The following ITIH5 variants were observed in gnomAD, a reference collection of about 807,000 sequenced individuals.
ITIH5 encodes the protein inter-alpha-trypsin inhibitor heavy chain 5.
ITIH5 carries 65 observed loss-of-function variants against 77.5 expected under a neutral mutation model. The ratio of observed to expected loss-of-function variants is 0.84; its 90% CI spans 0.69 to 1.03. ITIH5 has a LOEUF of 1.03. Among genes scored for constraint, ITIH5 ranks in the 50% least tolerant of loss-of-function variants. The probability of loss-of-function intolerance (pLI) is 0.00; values close to 1 mark genes in which losing one functional copy is unlikely to be tolerated. For missense variants in ITIH5, 1,208 were observed against 1,213.1 expected, an observed-to-expected ratio of 1.00 and a Z score of 0.06; for synonymous variants, 525 against 494.3, an observed-to-expected ratio of 1.06 and a Z score of -0.82.
intron 2 of ITIH5, among the ~76,000 whole-genome samples, chr10:7,647,581 C>T (rs1426930490): frequency 1.7e-5 from 2 of 115,514 alleles, no homozygotes; most frequent in South Asian, 3.0e-4. Context: ...CAATAGAAAA[C>T]GTGAACACCT....
chr10:7,615,820 G>C (rs375023682), intron 7 of ITIH5, among the ~76,000 whole-genome samples, 162 bp downstream of exon 7: 2 of 152,204 alleles, frequency 1.3e-5, no homozygotes, highest in Non-Finnish European at 2.9e-5. Flanking sequence ...TACAGTTTAT[G>C]TCAAATGACT....
chr10:7,602,774 G>T (rs1035497053), intron 7 of ITIH5, among the ~76,000 whole-genome samples: 1 of 151,970 alleles, frequency 6.6e-6, no homozygotes, highest in Admixed American at 6.5e-5. Context: ...TCCACTCATG[G>T]TTCCAAAGTC....
chr10:7,612,975 T>G (rs1833281345), intron 7 of ITIH5, among the ~76,000 whole-genome samples: 1 of 152,210 alleles, frequency 6.6e-6, no homozygotes, highest in African/African-American at 2.4e-5. Flanking sequence ...CCGGGCGCGG[T>G]GGCTCATGCC....
chr10:7,602,718 A>G (rs1199087091), intron 7 of ITIH5, among the ~76,000 whole-genome samples: 1 of 152,128 alleles, frequency 6.6e-6, no homozygotes, highest in Admixed American at 6.5e-5. Flanking sequence ...ACAAACTCAT[A>G]TAATATTTCT....
chr10:7,563,284 C>T lies in ITIH5; in HGVS notation c.2628G>A (p.Glu876=), dbSNP rs938075780. 1.2e-6 allele frequency: 2 copies of T among 1,614,114 alleles called. No individual in the cohort carries two copies. The highest frequency in any genetic ancestry group is 2.7e-5 in the African/African-American group (2 of 74,952). Reference sequence around the variant, plus strand: ...GGTGGCCTTTCACTGTTAGGACGGCCTCAGGCCCCTCTCCCACCTGAAGGA... The same window carrying T: ...GGTGGCCTTTCACTGTTAGGACGGCTTCAGGCCCCTCTCCCACCTGAAGGA... ...PLLLQVGEGP[E]AVLTVKGHQV... The change falls in exon 14 of 14, where the codon GAG becomes GAA. Residue 876 remains glutamate, a synonymous_variant. Transcript: ENST00000397146.
At chr10:7,666,116 GC>G (rs1834357169) in intron 1 of ITIH5, among the ~76,000 whole-genome samples, 1 of 152,212 alleles carries the variant, frequency 6.6e-6, no homozygotes, top group Non-Finnish European at 1.5e-5. Flanking sequence ...AGCTCTCAAT[GC>G]TATTTGTGTG....
intron 7 of ITIH5, among the ~76,000 whole-genome samples, chr10:7,599,293 C>T (rs1832968327): frequency 6.6e-6 from 1 of 152,162 alleles, no homozygotes; most frequent in Non-Finnish European, 1.5e-5. Context: ...TTAACAAGAA[C>T]CCAACCTACC....
At position 7,566,152 on chromosome 10, in the gene ITIH5, C is replaced by T; in HGVS notation, c.2405G>A (p.Gly802Asp). 1.9e-6 allele frequency: 3 copies of T among 1,614,078 alleles called. No homozygotes were observed. The highest frequency in any genetic ancestry group is 2.2e-5 in the South Asian group (2 of 91,078). The change falls in exon 13 of 14, where the codon GGC becomes GAC. Residue 802 changes from glycine (G) to aspartate (D), a missense_variant. By Grantham distance (94) the Gly-to-Asp change is moderately conservative (BLOSUM62 -1). Transcript: ENST00000397146. ...GATGAGGATGACAAAGGCTATGGAG[C>T]CCTGGATGGTGACGGTGACATTGGC... ...ANANVTVTIQ[G>D]SIAFVILIHL...
Position 7,617,133 on chromosome 10 carries a change from G to A in ITIH5, c.802C>T (p.Gln268Ter). ...FIIRYDVNRE[Q>*]SIGDIQVLNG... ...ATTACCTGGATGTCCCCAATGCTCT[G>A]TTCTCTATTGACGTCATATCTAATG... is the stretch of plus-strand genomic sequence containing the variant. Residue 268 changes from glutamine to a stop codon, truncating the protein, a stop_gained, in exon 6 of 14, where the codon CAG (glutamine) becomes TAG (stop). Transcript: ENST00000397146. LOFTEE classifies it high-confidence loss of function. 3.2e-6 allele frequency: 5 copies of A among 1,584,688 alleles called. No individual in the cohort carries two copies. The highest frequency in any genetic ancestry group is 3.4e-6 in the Non-Finnish European group (4 of 1,169,916).
rs12250091 is a variant in ITIH5, at chr10:7,580,143, C to A, written c.1109-79G>T. 2.4e-6 allele frequency: 3 copies of A among 1,248,242 alleles called. No homozygotes were observed. The East Asian group carries it at 7.6e-5, about 32-fold the overall frequency. 77.3% of individuals were successfully genotyped at this position (1,248,242 alleles called of 1,614,324 possible). On this transcript the variant is annotated intron_variant, in intron 8 of 13. Coordinates refer to ENST00000397146, the MANE Select transcript of ITIH5 (RefSeq NM_030569.7). ...TGATTGCACTTTCTTTTTTTTGAGACGGAGTCTTGCTCTGTCACCCAGGCT... is the reference window on the plus strand; with the variant it reads ...TGATTGCACTTTCTTTTTTTTGAGAAGGAGTCTTGCTCTGTCACCCAGGCT...
intron 2 of ITIH5, among the ~76,000 whole-genome samples, chr10:7,644,640 A>ATCACATATG (rs1487431774): frequency 3.4e-4 from 29 of 86,122 alleles, no homozygotes; most frequent in African/African-American, 9.6e-4. Flanking sequence ...TATCACATAT[A>ATCACATATG]TATCATATAT....
At chr10:7,576,412 G>A (rs778906784) in intron 10 of ITIH5, 41 bp downstream of exon 10, 1 of 1,461,134 alleles carries the variant, frequency 6.8e-7, no homozygotes, top group Non-Finnish European at 9.1e-7. Context: ...GGTATCTCAG[G>A]CCCGCGTCCC....
chr10:7,617,431 C>T (rs1833392047), intron 5 of ITIH5, 149 bp from the exon 6 acceptor site: 1 of 495,628 alleles, frequency 2.0e-6, no homozygotes, highest in South Asian at 4.9e-5. Flanking sequence ...TCATATATCA[C>T]AATGCGAGAG....
At position 7,655,661 on chromosome 10, in the gene ITIH5, G is replaced by A. The variant is rs1834170128; in HGVS notation, c.105C>T (p.Val35=). The change falls in exon 2 of 14, where the codon GTC becomes GTT. Residue 35 remains valine, a synonymous_variant. Coordinates refer to ENST00000397146, the MANE Select transcript of ITIH5 (RefSeq NM_030569.7). ...TCTGCAACAGTCTGACTTGCCTCGG[G>A]ACCCTGAGTCCATCCTAGAAAAGAG... ...GHSSEQDGLR[V]PRQVRLLQRL... is the part of the protein sequence containing the mutation. 1 of 1,612,564 alleles carries A rather than the reference G, an allele frequency of 6.2e-7. No individual in the cohort carries two copies. The highest frequency in any genetic ancestry group is 8.5e-7 in the Non-Finnish European group (1 of 1,178,814).
intron 11 of ITIH5, chr10:7,572,034 T>C (rs1288517884): frequency 1.9e-5 from 19 of 1,012,018 alleles, no homozygotes; most frequent in Non-Finnish European, 2.2e-5. Context: ...TAGTGCTTGC[T>C]CCAAAAAAGA....
At chr10:7,642,157 C>CTTT in intron 2 of ITIH5, 67 bp from the exon 3 acceptor site, 10 of 996,782 alleles carry the variant, frequency 1.0e-5, no homozygotes, top group East Asian at 3.2e-5. Flanking sequence ...AGTGGAACAT[C>CTTT]TTTTTTTTTT....
At chr10:7,568,403 G>A (rs1479291255) in intron 12 of ITIH5, among the ~76,000 whole-genome samples, 1 of 152,174 alleles carries the variant, frequency 6.6e-6, no homozygotes, top group Non-Finnish European at 1.5e-5. Flanking sequence ...TTCAGGCTGA[G>A]TTCCCACCAC....
At chr10:7,579,619 C>G in intron 9 of ITIH5, 136 bp downstream of exon 9, 1 of 817,922 alleles carries the variant, frequency 1.2e-6, no homozygotes, top group East Asian at 2.6e-5. Flanking sequence ...GTGACACCTC[C>G]CATTGCAATG....
At chr10:7,633,320 G>A (rs1384677704) in intron 5 of ITIH5, among the ~76,000 whole-genome samples, 1 of 152,196 alleles carries the variant, frequency 6.6e-6, no homozygotes, top group Non-Finnish European at 1.5e-5. Context: ...TCACAGGATT[G>A]CCTTTTACAC....
Sources: allele counts gnomAD v4.1 joint callset (sites outside exome capture counted in the v4.1 genomes callset), GRCh38; gene constraint gnomAD v4.1.1; transcripts MANE v1.5; gene names NCBI Gene and HGNC (gene_info 2026-07-23, HGNC 2026-07-21).